Variants in CDC14A observed in about 807,000 individuals in gnomAD.
The protein encoded by CDC14A is cell division cycle 14A.
A neutral mutation model predicts 74.4 loss-of-function variants in CDC14A; 53 were observed. The ratio of observed to expected loss-of-function variants is 0.71; its 90% CI spans 0.57 to 0.89. CDC14A has a LOEUF of 0.89. Ranked by LOEUF, CDC14A falls within the 40% of genes least tolerant of loss-of-function variation. The pLI is 0.00. For synonymous variants in CDC14A, 247 were observed against 258.4 expected (o/e 0.96, Z 0.43); for missense variants, 646 against 713.7 (o/e 0.91, Z 1.08).
chr1:100,372,402 T>A (rs771896827), intron 2 of CDC14A, among the ~76,000 whole-genome samples: 4 of 152,218 alleles, frequency 2.6e-5, no homozygotes, highest in Non-Finnish European at 5.9e-5. Flanking sequence ...AAAATAGGAG[T>A]TAATCCTCTC....
At chr1:100,349,908 G>C (rs566747820), upstream of CDC14A, among the ~76,000 whole-genome samples, 6 of 151,818 alleles carry the variant, frequency 4.0e-5, no homozygotes, top group Non-Finnish European at 8.8e-5. Context: ...GCAACCTCCC[G>C]AGTAGCTGGG....
At chr1:100,396,727 A>G (rs1658550614) in intron 4 of CDC14A, among the ~76,000 whole-genome samples, 1 of 152,210 alleles carries the variant, frequency 6.6e-6, no homozygotes, top group South Asian at 2.1e-4. Flanking sequence ...ACCATTTTAA[A>G]ATGTACAGCT....
chr1:100,504,836 T>A (rs1649095089), intron 15 of CDC14A: 3 of 1,535,604 alleles, frequency 2.0e-6, no homozygotes, highest in Admixed American at 2.0e-5. Flanking sequence ...CTGCTAGTCT[T>A]TAGGAAGCCC....
intron 2 of CDC14A, among the ~76,000 whole-genome samples, chr1:100,376,596 G>A (rs925496281): frequency 2.0e-4 from 31 of 152,126 alleles, no homozygotes; most frequent in African/African-American, 7.0e-4. Context: ...AGCCGAGATG[G>A]AGAAGACTGA....
rs368610741 is a variant in CDC14A at position 100,404,832 on chromosome 1, A to AAAAAC, written c.309+14038_309+14042dup. ...GCAACAGAGCGAGACTCCGTCTCAA[A>AAAAAC]AAAACAAAACAAAACAAAACAAAAC... On this transcript the variant is annotated intron_variant, in intron 4 of 15. Coordinates refer to ENST00000336454, the MANE Select transcript of CDC14A (RefSeq NM_003672.4). 2.2e-3 allele frequency among the ~76,000 whole-genome samples: 265 copies of AAAAAC among 121,684 alleles called. 1 individual carries two copies. Among genetic ancestry groups the AAAAAC allele is most frequent in the Middle Eastern group, 4.2e-3 (1 of 238 alleles). 79.8% of individuals were successfully genotyped at this position (121,684 alleles called of 152,430 possible).
chr1:100,487,572 G>A (rs3081856), intron 11 of CDC14A, among the ~76,000 whole-genome samples: 3,603 of 151,062 alleles, frequency 0.024, 149 homozygotes, highest in African/African-American at 0.083. Flanking sequence ...AAACAAAACA[G>A]AACAAAACAA....
intron 10 of CDC14A, among the ~76,000 whole-genome samples, chr1:100,477,846 C>T (rs1669073555): frequency 6.6e-6 from 1 of 152,066 alleles, no homozygotes; most frequent in Admixed American, 6.5e-5. Flanking sequence ...ATGTTAATTC[C>T]AAATCTCTGA....
chr1:100,399,973 C>T (rs1659050941), intron 4 of CDC14A, among the ~76,000 whole-genome samples: 1 of 152,168 alleles, frequency 6.6e-6, no homozygotes, highest in Non-Finnish European at 1.5e-5. Context: ...GTCCATAGAC[C>T]TTTCCTGCTG....
At chr1:100,371,441 G>A (rs1339465595) in intron 2 of CDC14A, among the ~76,000 whole-genome samples, 2 of 152,142 alleles carry the variant, frequency 1.3e-5, no homozygotes, top group African/African-American at 4.8e-5. Context: ...GTTTGTCATA[G>A]ATGGCTCTTA....
In CDC14A at chr1:100,353,842, G is replaced by T; in HGVS notation, c.130G>T (p.Val44Phe). Reference sequence around the variant, plus strand: ...CTATTTCTCCATCGATGAGGAGCTGGTCTATGAAAAGTAAGTTTATGTTTT... The same window carrying T: ...CTATTTCTCCATCGATGAGGAGCTGTTCTATGAAAAGTAAGTTTATGTTTT... ...THYFSIDEELVYENFYADFGP... is the reference protein window; with the variant it reads ...THYFSIDEELFYENFYADFGP... Residue 44 changes from valine to phenylalanine, a missense_variant, in exon 2 of 16, where the codon GTC (valine) becomes TTC (phenylalanine). Physicochemically the swap from Val to Phe is conservative, Grantham distance 50. Transcript: ENST00000336454. 1.9e-6 allele frequency: 3 copies of T among 1,599,188 alleles called. No individual in the cohort carries two copies. The highest frequency in any genetic ancestry group is 2.6e-6 in the Non-Finnish European group (3 of 1,169,022).
chr1:100,386,520 A>G (rs1656889574), intron 3 of CDC14A, among the ~76,000 whole-genome samples: 2 of 151,952 alleles, frequency 1.3e-5, no homozygotes, highest in Non-Finnish European at 2.9e-5. Context: ...TGAAGGGCCC[A>G]CTCATCATAT....
chr1:100,460,362 G>C (rs1196055224), intron 8 of CDC14A, among the ~76,000 whole-genome samples: 2 of 152,172 alleles, frequency 1.3e-5, no homozygotes, highest in Non-Finnish European at 2.9e-5. Flanking sequence ...TGAAAAGAGA[G>C]ATTCTTGCAG....
Position 100,468,400 on chromosome 1 carries a change from A to G in CDC14A, c.977+306A>G, listed in dbSNP as rs1413044311. ...ATTTTCTTATGACATCCCACTTGGC[A>G]CTTTTCATTCTTTTCTTTTGTTTGC... On this transcript the variant is annotated intron_variant, in intron 10 of 15. Transcript: ENST00000336454. 2.0e-5 allele frequency among the ~76,000 whole-genome samples: 3 copies of G among 152,096 alleles called. No homozygotes were observed. In the East Asian group the frequency reaches 5.8e-4, roughly 29 times the overall value.
chr1:100,412,053 G>A (rs1246488065), intron 4 of CDC14A, among the ~76,000 whole-genome samples: 5 of 152,182 alleles, frequency 3.3e-5, no homozygotes, highest in Non-Finnish European at 1.5e-5. Context: ...TATAATGCAG[G>A]CGATGAGGCC....
At chr1:100,504,188 TA>T (rs1649030846) in intron 15 of CDC14A, among the ~76,000 whole-genome samples, 1 of 152,226 alleles carries the variant, frequency 6.6e-6, no homozygotes, top group Non-Finnish European at 1.5e-5. Flanking sequence ...GCTTTAATAA[TA>T]AAACTATACA....
At chr1:100,514,856 C>T (rs544840212) in intron 15 of CDC14A, among the ~76,000 whole-genome samples, 20 of 152,046 alleles carry the variant, frequency 1.3e-4, no homozygotes, top group African/African-American at 3.9e-4. Context: ...TTTTTGAATA[C>T]GAAAATCAAT....
At chr1:100,474,057 A>G (rs12239336) in intron 10 of CDC14A, among the ~76,000 whole-genome samples, 2,896 of 152,208 alleles carry the variant, frequency 0.019, 102 homozygotes, top group African/African-American at 0.067. Flanking sequence ...CTTATCATGA[A>G]TGAGTGTTGA....
intron 4 of CDC14A, among the ~76,000 whole-genome samples, chr1:100,407,352 T>C (rs186035585): frequency 1.9e-3 from 296 of 152,354 alleles, no homozygotes; most frequent in Non-Finnish European, 3.2e-3. Flanking sequence ...GTTTCTCTGT[T>C]TGTTTGTATC....
In CDC14A at chr1:100,425,463, G is replaced by A. The variant is rs189040156; in HGVS notation, c.389+1162G>A. 1.7e-3 allele frequency among the ~76,000 whole-genome samples: 262 copies of A among 152,230 alleles called. 3 individuals carry two copies. The East Asian group carries it at 0.022, about 13-fold the overall frequency. On this transcript the variant is annotated intron_variant, in intron 5 of 15. Coordinates refer to ENST00000336454, the MANE Select transcript of CDC14A (RefSeq NM_003672.4). Reference sequence around the variant, plus strand: ...CCTTATACTTAAAAGCACTTTTAGTGAATATTTGAATGAATACATTAAGAC... The same window carrying A: ...CCTTATACTTAAAAGCACTTTTAGTAAATATTTGAATGAATACATTAAGAC...
Sources: gnomAD v4.1 joint callset for allele counts (sites outside exome capture counted in the v4.1 genomes callset) on GRCh38, gnomAD v4.1.1 for gene constraint, MANE v1.5 for transcripts, NCBI Gene and HGNC (gene_info 2026-07-23, HGNC 2026-07-21) for gene names.